The following DCAF1 variants were observed in gnomAD, a reference collection of about 807,000 sequenced individuals.
DCAF1 encodes DDB1 and CUL4 associated factor 1.
DCAF1 carries 15 observed loss-of-function variants against 128.0 expected under a neutral mutation model. The ratio of observed to expected loss-of-function variants is 0.12; its 90% CI spans 0.08 to 0.18. The LOEUF (loss-of-function observed/expected upper bound fraction) is 0.18. Among genes scored for constraint, DCAF1 ranks in the 10% least tolerant of loss-of-function variants. The pLI is 1.00. For missense variants in DCAF1, 988 were observed against 1,649.5 expected (o/e 0.60, Z 6.95); for synonymous variants, 610 against 603.0 (o/e 1.01, Z -0.17).
intron 24 of DCAF1, among the ~76,000 whole-genome samples, chr3:51,401,131 C>CAAAAAAA (rs57102954): frequency 1.5e-5 from 1 of 67,256 alleles, no homozygotes; most frequent in Admixed American, 1.5e-4. Context: ...GACTCCATCT[C>CAAAAAAA]AAAAAAAAAA....
In DCAF1 at chr3:51,429,393, T is replaced by C; in HGVS notation, c.1545A>G (p.Gln515=). 1.3e-6 allele frequency: 1 copy of C among 780,884 alleles called. No individual in the cohort carries two copies. 48.4% of individuals were successfully genotyped at this position (780,884 alleles called of 1,614,324 possible). ...LSDDEIFASR[Q]TGKHTCMALR... ...AGGCCATGCAGGTATGTTTCCCAGT[T>C]TGGCGGCTAGCAAATATTTCATCAT... Residue 515 remains glutamine, a synonymous_variant, in exon 12 of 25, where the codon CAA becomes CAG. Transcript: ENST00000684031.
chr3:51,398,714 T>A lies in DCAF1; in HGVS notation c.*55A>T, dbSNP rs1246210922. The A allele has an allele frequency of 6.4e-6, 10 of 1,552,276 alleles. No homozygotes were observed. The highest frequency in any genetic ancestry group is 8.7e-6 in the Non-Finnish European group (10 of 1,148,348). ...AAAGAGAAGGGAATATGTTCTGAAT[T>A]CATTTGACTCAGTTTCTCGCCTGCC... On this transcript the variant is annotated 3_prime_UTR_variant, in exon 25 of 25. Transcript: ENST00000684031.
chr3:51,399,302 C>T (rs1289212945), intron 24 of DCAF1, among the ~76,000 whole-genome samples: 1 of 152,242 alleles, frequency 6.6e-6, no homozygotes, highest in Admixed American at 6.5e-5. Flanking sequence ...TCTGAAACAC[C>T]TTAGTCACTC....
In DCAF1 at chr3:51,409,390, T is replaced by C. The variant is rs114471915; in HGVS notation, c.4212+2989A>G. Among the ~76,000 whole-genome samples the C allele has an allele frequency of 6.5e-3, 993 of 152,094 alleles. 8 individuals carry two copies. Among genetic ancestry groups the C allele is most frequent in the African/African-American group, 0.022 (922 of 41,474 alleles). ...AAGGTGTCTAGGGCAATCTCAACTT[T>C]CCTCTGAGTTGACCTCCCCCTCAAA... On this transcript the variant is annotated intron_variant, in intron 23 of 24. Coordinates refer to ENST00000684031, the MANE Select transcript of DCAF1 (RefSeq NM_001387579.1).
chr3:51,414,079 C>T, intron 19 of DCAF1, 36 bp from the exon 20 acceptor site: 1 of 1,541,914 alleles, frequency 6.5e-7, no homozygotes, highest in Non-Finnish European at 8.7e-7. Context: ...CTATTTTACA[C>T]AAAACTTATC....
At chr3:51,422,516 A>G (rs1553632861) in intron 13 of DCAF1, 85 bp from the exon 14 acceptor site, 7 of 700,560 alleles carry the variant, frequency 1.0e-5, no homozygotes. Flanking sequence ...ACAGACAGAT[A>G]GACACATACA....
intron 3 of DCAF1, among the ~76,000 whole-genome samples, chr3:51,472,520 G>C (rs1193368171): frequency 6.6e-6 from 1 of 151,872 alleles, no homozygotes; most frequent in Non-Finnish European, 1.5e-5. Flanking sequence ...CCAAGTAGCT[G>C]GGTCTATAGG....
chr3:51,424,383 A>T (rs1699718989), intron 13 of DCAF1, among the ~76,000 whole-genome samples: 1 of 151,702 alleles, frequency 6.6e-6, no homozygotes, highest in Admixed American at 6.6e-5. Context: ...AGCCTGGGTG[A>T]CAGAGCAAGA....
chr3:51,422,134 A>G (rs1699453554), intron 14 of DCAF1, among the ~76,000 whole-genome samples, 173 bp downstream of exon 14: 1 of 152,052 alleles, frequency 6.6e-6, no homozygotes, highest in South Asian at 2.1e-4. Flanking sequence ...TTTTTTTTAA[A>G]TTAGTTCCTG....
rs1202287011 is a variant in DCAF1 at position 51,461,287 on chromosome 3, T to C, written c.375+1827A>G. 1.1e-4 allele frequency among the ~76,000 whole-genome samples: 16 copies of C among 151,996 alleles called. No individual in the cohort carries two copies. In the East Asian group the frequency reaches 1.9e-3, roughly 18 times the overall value. The stretch of plus-strand genomic sequence containing the variant: ...GACACTTCTCAAAAGAAGACATTTA[T>C]GCAGCCAAAAAACACATGAAAAAAT... On this transcript the variant is annotated intron_variant, in intron 6 of 24. Transcript: ENST00000684031.
chr3:51,432,578 C>T (rs1179703276), intron 10 of DCAF1, among the ~76,000 whole-genome samples: 3 of 151,902 alleles, frequency 2.0e-5, no homozygotes, highest in Non-Finnish European at 4.4e-5. Flanking sequence ...CCTGCCTCAG[C>T]CTCCCAAGTA....
At chr3:51,439,616 T>C (rs573057544) in intron 9 of DCAF1, among the ~76,000 whole-genome samples, 1 of 152,136 alleles carries the variant, frequency 6.6e-6, no homozygotes, top group South Asian at 2.1e-4. Flanking sequence ...TAATTCTGTC[T>C]GCTATTTCAT....
rs1302837074 is a variant in DCAF1 at position 51,496,795 on chromosome 3, C to G, written c.-55-15G>C. Among the ~76,000 whole-genome samples, 1 of 152,074 alleles carries G rather than the reference C, an allele frequency of 6.6e-6. No individual in the cohort carries two copies. Among genetic ancestry groups the G allele is most frequent in the Non-Finnish European group, 1.5e-5 (1 of 68,024 alleles). ...AATTTCCTTATCTGCAAGATGGAAA[C>G]AGTTGTTGTGCGGGGTTAAATGACA... is the stretch of plus-strand genomic sequence containing the variant. On this transcript the variant is annotated splice_polypyrimidine_tract_variant and intron_variant, in intron 1 of 24. Coordinates refer to ENST00000684031, the MANE Select transcript of DCAF1 (RefSeq NM_001387579.1).
intron 1 of DCAF1, among the ~76,000 whole-genome samples, chr3:51,499,156 A>G (rs1553662827): frequency 6.6e-6 from 1 of 152,246 alleles, no homozygotes; most frequent in African/African-American, 2.4e-5. Context: ...AAAACCGTCT[A>G]AGAAGTGAAG....
chr3:51,439,403 C>T (rs1701150998), intron 9 of DCAF1, among the ~76,000 whole-genome samples: 1 of 151,306 alleles, frequency 6.6e-6, no homozygotes, highest in African/African-American at 2.4e-5. Flanking sequence ...CCTGGGATTA[C>T]AGGCGTGAGC....
At chr3:51,429,515 G>C (rs782787322) in intron 11 of DCAF1, 45 bp from the exon 12 acceptor site, 1 of 769,312 alleles carries the variant, frequency 1.3e-6, no homozygotes, top group African/African-American at 1.7e-5. Context: ...GAAAAGGCAA[G>C]AAGAGTTAAG....
intron 9 of DCAF1, among the ~76,000 whole-genome samples, chr3:51,435,290 C>A (rs1700707486): frequency 6.6e-6 from 1 of 152,000 alleles, no homozygotes; most frequent in Non-Finnish European, 1.5e-5. Flanking sequence ...CAACTGAAAG[C>A]AATATCCTTG....
At position 51,422,343 on chromosome 3, in the gene DCAF1, C is replaced by A. The variant is rs782355059; in HGVS notation, c.1936G>T (p.Val646Leu). ...ACTGTAGATCCAGCCTCATCCAACA[C>A]GTCCACTGATTCTGCCAACTGGAGC... ...IQLQLAESVD[V>L]LDEAGSTVST... is the part of the protein sequence containing the mutation. The change falls in exon 14 of 25, where the codon GTG becomes TTG. Residue 646 changes from valine (V) to leucine (L), a missense_variant. Val to Leu is a conservative substitution (Grantham distance 32, BLOSUM62 1). Around this residue, in one of 11 missense-constraint regions of DCAF1, gnomAD observed 185 missense variants for 248.1 expected, o/e 0.75. Transcript: ENST00000684031. 1 of 765,358 alleles carries A rather than the reference C, an allele frequency of 1.3e-6. No homozygotes were observed. Among genetic ancestry groups the A allele is most frequent in the Admixed American group, 1.8e-5 (1 of 56,584 alleles). The allele number at this position is 765,358 out of a possible 1,614,324, so 47.4% of individuals were successfully genotyped here. A position where few individuals can be genotyped will look rare whatever the true frequency, so the allele number is the denominator to read the frequency against.
At chr3:51,445,711 G>C (rs1214238124) in intron 6 of DCAF1, among the ~76,000 whole-genome samples, 6 of 152,156 alleles carry the variant, frequency 3.9e-5, no homozygotes, top group African/African-American at 1.4e-4. Context: ...CAGGGTATGT[G>C]CATGCTGAAC....
Sources: gnomAD v4.1 joint callset for allele counts (sites outside exome capture counted in the v4.1 genomes callset) on GRCh38, gnomAD v4.1.1 for gene constraint, gnomAD v4.1.1 regional missense constraint, MANE v1.5 for transcripts, NCBI Gene and HGNC (gene_info 2026-07-23, HGNC 2026-07-21) for gene names.